Variants in JAK2 observed in about 807,000 individuals in gnomAD.
JAK2 encodes the protein Janus kinase 2, also known as tyrosine-protein kinase JAK2.
A neutral mutation model predicts 139.3 loss-of-function variants in JAK2; 86 were observed. That is an observed-to-expected ratio of 0.62 (90% CI 0.52 to 0.74). JAK2 has a LOEUF of 0.74. JAK2 is among the 30% of genes least tolerant of loss of function. The probability of loss-of-function intolerance (pLI) is 0.00; values close to 1 mark genes in which losing one functional copy is unlikely to be tolerated. For missense variants in JAK2, 1,421 were observed against 1,360.3 expected (o/e 1.04, Z -0.70); for synonymous variants, 490 against 437.7 (o/e 1.12, Z -1.49).
intron 22 of JAK2, among the ~76,000 whole-genome samples, chr9:5,104,031 T>C (rs576165977): frequency 6.6e-6 from 1 of 152,038 alleles, no homozygotes; most frequent in African/African-American, 2.4e-5. Context: ...AGCAAACAAA[T>C]TCAAAAGCTA....
In JAK2 at chr9:5,114,167, A is replaced by C. The variant is rs140512209; in HGVS notation, c.3060-8837A>C. On this transcript the variant is annotated intron_variant, in intron 22 of 24. Coordinates refer to ENST00000381652, the MANE Select transcript of JAK2 (RefSeq NM_004972.4). ...TTGAGGACAGTGCCAAGAAGTGTGC[A>C]GATTCTAACCCGCAAGGGGTGAGCA... 885 of 426,272 alleles carry C rather than the reference A, an allele frequency of 2.1e-3. 15 individuals carry two copies. The highest frequency in any genetic ancestry group is 0.016 in the African/African-American group (802 of 49,518). 26.4% of individuals were successfully genotyped at this position (426,272 alleles called of 1,614,324 possible). A position where few individuals can be genotyped will look rare whatever the true frequency, so the allele number is the denominator to read the frequency against.
chr9:5,085,197 A>T, intron 19 of JAK2: 1 of 660,800 alleles, frequency 1.5e-6, no homozygotes, highest in South Asian at 1.4e-5. Context: ...TCATGATCAT[A>T]GCATTCATTT....
At chr9:5,092,408 A>C (rs1369049924) in intron 22 of JAK2, among the ~76,000 whole-genome samples, 2 of 152,190 alleles carry the variant, frequency 1.3e-5, no homozygotes, top group African/African-American at 2.4e-5. Flanking sequence ...TTGGACAAAC[A>C]AAGTGTCGCT....
intron 2 of JAK2, among the ~76,000 whole-genome samples, chr9:5,019,236 T>C (rs1822260895): frequency 6.6e-6 from 1 of 152,192 alleles, no homozygotes; most frequent in Non-Finnish European, 1.5e-5. Context: ...ATGCAGGCTT[T>C]GTTCATTCTT....
chr9:5,095,341 G>A (rs1820907091), intron 22 of JAK2, among the ~76,000 whole-genome samples: 1 of 151,848 alleles, frequency 6.6e-6, no homozygotes, highest in African/African-American at 2.4e-5. Context: ...AAATATAGTA[G>A]TTCTTACCCC....
chr9:5,066,074 G>T (rs1487029157), intron 9 of JAK2, among the ~76,000 whole-genome samples: 2 of 152,084 alleles, frequency 1.3e-5, no homozygotes, highest in Admixed American at 6.5e-5. Context: ...CTATGTGCAA[G>T]CATTGGTTTG....
chr9:5,058,759 GTGATTT>G (rs1387271121), intron 8 of JAK2, among the ~76,000 whole-genome samples: 1 of 152,130 alleles, frequency 6.6e-6, no homozygotes, highest in Non-Finnish European at 1.5e-5. Flanking sequence ...GTATCTCATT[GTGATTT>G]TGATTCACAT....
At chr9:5,116,803 T>C (rs960140193) in intron 22 of JAK2, among the ~76,000 whole-genome samples, 10 of 152,202 alleles carry the variant, frequency 6.6e-5, no homozygotes, top group Admixed American at 3.9e-4. Flanking sequence ...CCACTACCCA[T>C]AGTCCCTTCA....
intron 4 of JAK2, among the ~76,000 whole-genome samples, chr9:5,037,286 GA>G (rs1434829036): frequency 2.6e-5 from 4 of 152,120 alleles, no homozygotes; most frequent in Non-Finnish European, 4.4e-5. Flanking sequence ...AACCATTGTG[GA>G]AGTCAGTGTG....
intron 10 of JAK2, 40 bp from the exon 11 acceptor site, chr9:5,068,982 G>A: frequency 8.5e-7 from 1 of 1,179,996 alleles, no homozygotes; most frequent in Non-Finnish European, 1.2e-6. Context: ...GATGTCCATT[G>A]TGACTATCCC....
At chr9:5,075,304 T>G (rs1262027148) in intron 14 of JAK2, among the ~76,000 whole-genome samples, 1 of 152,186 alleles carries the variant, frequency 6.6e-6, no homozygotes, top group Non-Finnish European at 1.5e-5. Flanking sequence ...TTTTCAAATG[T>G]AAACAAAACA....
chr9:5,070,392 G>A (rs940427855), intron 12 of JAK2, among the ~76,000 whole-genome samples: 8 of 151,882 alleles, frequency 5.3e-5, no homozygotes, highest in Admixed American at 3.3e-4. Context: ...AAATAAAGAA[G>A]AAACTGAGAA....
intron 23 of JAK2, 125 bp from the exon 24 acceptor site, chr9:5,126,207 GA>G: frequency 3.3e-6 from 2 of 597,980 alleles, no homozygotes; most frequent in South Asian, 4.6e-5. Context: ...AGTTTGTTTT[GA>G]AAAGGTTTGA....
chr9:4,989,588 A>G (rs1276690361), intron 2 of JAK2, among the ~76,000 whole-genome samples: 1 of 152,218 alleles, frequency 6.6e-6, no homozygotes, highest in Non-Finnish European at 1.5e-5. Flanking sequence ...GCTGTATTCA[A>G]AAGAGAAATA....
At chr9:5,007,896 T>C (rs1326766945) in intron 2 of JAK2, among the ~76,000 whole-genome samples, 1 of 151,648 alleles carries the variant, frequency 6.6e-6, no homozygotes, top group Non-Finnish European at 1.5e-5. Context: ...CCTGGCTAAT[T>C]TTTGTGTTTT....
At chr9:5,066,221 T>C (rs1818558073) in intron 9 of JAK2, among the ~76,000 whole-genome samples, 1 of 152,148 alleles carries the variant, frequency 6.6e-6, no homozygotes, top group Non-Finnish European at 1.5e-5. Flanking sequence ...TCAGTTGCCA[T>C]GGTTCTTCTC....
At chr9:5,084,673 A>G (rs1819945667) in intron 19 of JAK2, among the ~76,000 whole-genome samples, 1 of 152,082 alleles carries the variant, frequency 6.6e-6, no homozygotes, top group Non-Finnish European at 1.5e-5. Flanking sequence ...ACATATACTT[A>G]TATTCTTTTT....
At chr9:5,040,802 T>C in intron 4 of JAK2, 1 of 205,448 alleles carries the variant, frequency 4.9e-6, no homozygotes, top group Non-Finnish European at 9.9e-6. Flanking sequence ...GCCCAGGCGG[T>C]GCAGGAGCTG....
At chr9:5,092,352 A>G (rs1159019203) in intron 22 of JAK2, among the ~76,000 whole-genome samples, 2 of 152,168 alleles carry the variant, frequency 1.3e-5, no homozygotes, top group Non-Finnish European at 2.9e-5. Flanking sequence ...CTATACATGA[A>G]TAGAGGAGAT....
Sources: allele counts gnomAD v4.1 joint callset (sites outside exome capture counted in the v4.1 genomes callset), GRCh38; gene constraint gnomAD v4.1.1; transcripts MANE v1.5; gene names NCBI Gene and HGNC (gene_info 2026-07-23, HGNC 2026-07-21).